The following ROBO1 variants were observed in gnomAD, a reference collection of about 807,000 sequenced individuals.
ROBO1 encodes the protein roundabout guidance receptor 1.
Under a neutral mutation model 195.9 loss-of-function variants are expected in ROBO1, and 149 were observed. That is an observed-to-expected ratio of 0.76 (90% CI 0.67 to 0.87). The LOEUF (loss-of-function observed/expected upper bound fraction) is 0.87. Ranked by LOEUF, ROBO1 falls within the 40% of genes least tolerant of loss-of-function variation. The probability of loss-of-function intolerance (pLI) is 0.00; values close to 1 mark genes in which losing one functional copy is unlikely to be tolerated. For synonymous variants in ROBO1, 816 were observed against 733.2 expected (o/e 1.11, Z -1.82); for missense variants, 1,933 against 2,068.3 (o/e 0.93, Z 1.27).
chr3:78,623,530 C>T (rs1318347500), intron 26 of ROBO1, among the ~76,000 whole-genome samples: 2 of 152,122 alleles, frequency 1.3e-5, no homozygotes, highest in African/African-American at 4.8e-5. Context: ...TTAAGGAACC[C>T]TGCTTTTATT....
intron 4 of ROBO1, among the ~76,000 whole-genome samples, chr3:78,781,953 G>T (rs2083689585): frequency 6.6e-6 from 1 of 152,008 alleles, no homozygotes; most frequent in Non-Finnish European, 1.5e-5. Context: ...CATCCAAAAA[G>T]TCTAAAATTA....
intron 3 of ROBO1, among the ~76,000 whole-genome samples, chr3:78,944,553 G>A (rs537981956): frequency 6.6e-6 from 1 of 152,332 alleles, no homozygotes; most frequent in South Asian, 2.1e-4. Flanking sequence ...TGGCCGAATA[G>A]GAACAGCTCC....
At chr3:78,748,165 G>C (rs1408482317) in intron 4 of ROBO1, among the ~76,000 whole-genome samples, 1 of 152,174 alleles carries the variant, frequency 6.6e-6, no homozygotes, top group Non-Finnish European at 1.5e-5. Flanking sequence ...ATTGAATTGG[G>C]CTGGGTGTGG....
intron 1 of ROBO1, among the ~76,000 whole-genome samples, chr3:79,748,543 A>G (rs1232860820): frequency 6.6e-6 from 1 of 152,122 alleles, no homozygotes; most frequent in Admixed American, 6.6e-5. Flanking sequence ...CCAAATGGCA[A>G]ATCTCTACAT....
chr3:79,044,721 A>G (rs1481968033), intron 3 of ROBO1, among the ~76,000 whole-genome samples: 1 of 152,158 alleles, frequency 6.6e-6, no homozygotes, highest in Non-Finnish European at 1.5e-5. Flanking sequence ...AAAAAGTTAA[A>G]TAACTTAACT....
chr3:79,721,409 C>T (rs1272532013), intron 1 of ROBO1, among the ~76,000 whole-genome samples: 2 of 152,048 alleles, frequency 1.3e-5, no homozygotes, highest in African/African-American at 4.8e-5. Flanking sequence ...TATGATGAGT[C>T]CTTATAAAAC....
intron 2 of ROBO1, among the ~76,000 whole-genome samples, chr3:79,316,938 C>G (rs978748628): frequency 6.6e-6 from 1 of 152,030 alleles, no homozygotes; most frequent in Non-Finnish European, 1.5e-5. Flanking sequence ...AAAGAACAAA[C>G]AAGGGGAATA....
At chr3:79,426,550 G>A (rs973620654) in intron 2 of ROBO1, among the ~76,000 whole-genome samples, 1 of 151,826 alleles carries the variant, frequency 6.6e-6, no homozygotes, top group Non-Finnish European at 1.5e-5. Flanking sequence ...TTGTATTTTT[G>A]TAGGGATGGG....
At chr3:79,480,515 CACTT>C (rs917137448) in intron 2 of ROBO1, among the ~76,000 whole-genome samples, 2 of 152,042 alleles carry the variant, frequency 1.3e-5, no homozygotes, top group Non-Finnish European at 2.9e-5. Context: ...TTTTTTGTCT[CACTT>C]AATGCATCTT....
At chr3:79,086,184 T>A (rs2079366305) in intron 3 of ROBO1, among the ~76,000 whole-genome samples, 1 of 151,584 alleles carries the variant, frequency 6.6e-6, no homozygotes, top group Admixed American at 6.6e-5. Flanking sequence ...TCCAAAGAAG[T>A]CCCTCAAAAG....
At chr3:79,410,488 C>T (rs114003385) in intron 2 of ROBO1, among the ~76,000 whole-genome samples, 1,932 of 152,052 alleles carry the variant, frequency 0.013, 35 homozygotes, top group African/African-American at 0.042. Context: ...AGGGAAAATA[C>T]GGTCAGTAAG....
chr3:79,766,093 C>T (rs1704970266), intron 1 of ROBO1, among the ~76,000 whole-genome samples: 1 of 132,680 alleles, frequency 7.5e-6, no homozygotes. Flanking sequence ...GCCCTTTCCT[C>T]CCTTCATCTA....
At chr3:79,520,398 C>G (rs1383698233) in intron 2 of ROBO1, among the ~76,000 whole-genome samples, 1 of 152,074 alleles carries the variant, frequency 6.6e-6, no homozygotes, top group African/African-American at 2.4e-5. Context: ...AAAGGAGAGT[C>G]TAGAGTACAA....
chr3:79,055,468 A>T (rs1011137690), intron 3 of ROBO1, among the ~76,000 whole-genome samples: 2 of 152,096 alleles, frequency 1.3e-5, no homozygotes, highest in Non-Finnish European at 1.5e-5. Context: ...TCCTGCTAAC[A>T]TGGGACTAGT....
intron 3 of ROBO1, among the ~76,000 whole-genome samples, chr3:78,951,331 TTCTC>T (rs1343747498): frequency 5.3e-5 from 8 of 151,986 alleles, no homozygotes; most frequent in African/African-American, 1.9e-4. Flanking sequence ...ATAAAAAGCT[TTCTC>T]TCTTCATTCA....
Position 78,685,863 on chromosome 3 carries a change from G to C in ROBO1, c.1225C>G (p.Gln409Glu). 6.2e-7 allele frequency: 1 copy of C among 1,608,538 alleles called. No homozygotes were observed. The highest frequency in any genetic ancestry group is 8.5e-7 in the Non-Finnish European group (1 of 1,176,656). The change falls in exon 10 of 31, where the codon CAG becomes GAG. Residue 409 changes from glutamine (Q) to glutamate (E), a missense_variant. By Grantham distance (29) the Gln-to-Glu change is conservative. Coordinates refer to ENST00000464233, the MANE Select transcript of ROBO1 (RefSeq NM_002941.4). Reference sequence around the variant, plus strand: ...TTAGTAATTGTGAGGTCGCCAGTCTGGGAGACTGAAAATCGGCTGGATGAC... The same window carrying C: ...TTAGTAATTGTGAGGTCGCCAGTCTCGGAGACTGAAAATCGGCTGGATGAC... ...PQSSSRFSVS[Q>E]TGDLTITNVQ...
intron 1 of ROBO1, among the ~76,000 whole-genome samples, chr3:79,699,068 T>C (rs1213851164): frequency 7.1e-6 from 1 of 140,974 alleles, no homozygotes; most frequent in Non-Finnish European, 1.6e-5. Context: ...ATAACTAAGA[T>C]ATATATTTAT....
intron 19 of ROBO1, among the ~76,000 whole-genome samples, chr3:78,649,042 G>T (rs1451790307): frequency 6.8e-6 from 1 of 147,672 alleles, no homozygotes; most frequent in Non-Finnish European, 1.5e-5. Flanking sequence ...ATCCTATTGT[G>T]TTTTTTTTCA....
At chr3:79,602,336 A>G (rs966747912) in intron 1 of ROBO1, among the ~76,000 whole-genome samples, 3 of 152,084 alleles carry the variant, frequency 2.0e-5, no homozygotes, top group Non-Finnish European at 2.9e-5. Context: ...AAGGCTGTGC[A>G]TGAAAGGTAG....
Sources: allele counts gnomAD v4.1 joint callset (sites outside exome capture counted in the v4.1 genomes callset), GRCh38; gene constraint gnomAD v4.1.1; transcripts MANE v1.5; gene names NCBI Gene and HGNC (gene_info 2026-07-23, HGNC 2026-07-21).